Variants in RALGPS1 observed in about 807,000 individuals in gnomAD.
RALGPS1 encodes Ral GEF with PH domain and SH3 binding motif 1.
RALGPS1 carries 19 observed loss-of-function variants against 78.8 expected under a neutral mutation model. The observed-to-expected ratio is 0.24, with a 90% CI of 0.17 to 0.35. The LOEUF (loss-of-function observed/expected upper bound fraction) is 0.35, where lower values mean the gene tolerates loss of function less well. Ranked by LOEUF, RALGPS1 falls within the 10% of genes least tolerant of loss-of-function variation. The pLI is 1.00. For synonymous variants in RALGPS1, 228 were observed against 256.3 expected, an observed-to-expected ratio of 0.89 and a Z score of 1.06; for missense variants, 454 against 688.3, an observed-to-expected ratio of 0.66 and a Z score of 3.81.
At chr9:126,992,238 C>T (rs547935898) in intron 4 of RALGPS1, among the ~76,000 whole-genome samples, 2 of 152,228 alleles carry the variant, frequency 1.3e-5, no homozygotes, top group Admixed American at 6.5e-5. Context: ...GACATGAGGA[C>T]AGCATGAGAT....
rs1054745309 is a variant in RALGPS1 at position 127,218,663 on chromosome 9, C to T, written c.1645-77C>T. 6 of 1,484,854 alleles carry T rather than the reference C, an allele frequency of 4.0e-6. No homozygotes were observed. In the African/African-American group the frequency reaches 5.5e-5, roughly 14 times the overall value. The allele number at this position is 1,484,854 out of a possible 1,614,324, so 92.0% of individuals were successfully genotyped here. A position where few individuals can be genotyped will look rare whatever the true frequency, so the allele number is the denominator to read the frequency against. ...CCAGACTCACGGGGAAAGGCCTGTC[C>T]CTTCCCCTAGGGACCACCACCCCTT... On this transcript the variant is annotated intron_variant, in intron 18 of 18. Coordinates refer to ENST00000259351, the MANE Select transcript of RALGPS1 (RefSeq NM_014636.3). This position sits in a 1 kb window ranked among gnomAD's most constrained non-coding sequence, Gnocchi z 4.4.
chr9:126,953,365 A>G (rs7854111), intron 1 of RALGPS1, among the ~76,000 whole-genome samples: 57,297 of 150,270 alleles, frequency 0.38, 12,643 homozygotes, highest in Non-Finnish European at 0.49. Flanking sequence ...GTGCATGTAC[A>G]CGTGCATGCG....
At chr9:126,963,562 C>T (rs2039131239) in intron 2 of RALGPS1, among the ~76,000 whole-genome samples, 1 of 152,176 alleles carries the variant, frequency 6.6e-6, no homozygotes, top group African/African-American at 2.4e-5. Context: ...CTGAGTGATA[C>T]ATTTACACCA....
chr9:126,966,961 G>A (rs967118859), intron 3 of RALGPS1, among the ~76,000 whole-genome samples: 36 of 152,228 alleles, frequency 2.4e-4, no homozygotes, highest in Non-Finnish European at 4.0e-4. Flanking sequence ...CTGATTGAGA[G>A]TGTTGTCCAA....
At chr9:127,192,337 A>G (rs1247551652) in intron 11 of RALGPS1, among the ~76,000 whole-genome samples, 4 of 152,268 alleles carry the variant, frequency 2.6e-5, no homozygotes, top group Non-Finnish European at 2.9e-5. Context: ...ATTCCAGGCC[A>G]GGCGACTGGG....
Position 127,088,675 on chromosome 9 carries a change from T to C in RALGPS1, c.610+19319T>C, listed in dbSNP as rs1589398691. 12 of 514,502 alleles carry C rather than the reference T, an allele frequency of 2.3e-5. No individual in the cohort carries two copies. The East Asian group carries it at 3.7e-4, about 16-fold the overall frequency. 31.9% of individuals were successfully genotyped at this position (514,502 alleles called of 1,614,324 possible). On this transcript the variant is annotated intron_variant, in intron 8 of 18. Coordinates refer to ENST00000259351, the MANE Select transcript of RALGPS1 (RefSeq NM_014636.3). Reference sequence around the variant, plus strand: ...GTGTTTTTATTGTAGAGACTTAATTTATTTAAAGAAAGAGTTGTCTGTAGT... The same window carrying C: ...GTGTTTTTATTGTAGAGACTTAATTCATTTAAAGAAAGAGTTGTCTGTAGT...
rs1421787045 is a variant in RALGPS1 at position 127,221,164 on chromosome 9, A to AAAC, written c.*2395_*2396insAAC. ...GGGGCTCGGCCAAACATGGGAGTTA[A>AAAC]GTGCTGCTTGTCTTCCCAGTGTTGG... On this transcript the variant is annotated 3_prime_UTR_variant, in exon 19 of 19. Coordinates refer to ENST00000259351, the MANE Select transcript of RALGPS1 (RefSeq NM_014636.3). 1 of 152,226 alleles carries AAAC rather than the reference A, an allele frequency of 6.6e-6. No homozygotes were observed. Among genetic ancestry groups the AAAC allele is most frequent in the East Asian group, 1.9e-4 (1 of 5,196 alleles). The allele number at this position is 152,226 out of a possible 1,614,324, so 9.4% of individuals were successfully genotyped here.
intron 4 of RALGPS1, among the ~76,000 whole-genome samples, chr9:127,017,331 T>C (rs907528268): frequency 6.6e-6 from 1 of 152,208 alleles, no homozygotes; most frequent in East Asian, 1.9e-4. Flanking sequence ...AAGTGTAATA[T>C]AGTAGTAAGT....
intron 13 of RALGPS1, 57 bp from the exon 14 acceptor site, chr9:127,198,958 G>T (rs1459182847): frequency 6.6e-7 from 1 of 1,521,576 alleles, no homozygotes; most frequent in African/African-American, 1.4e-5. Flanking sequence ...TGACCCAGGA[G>T]AACAGGCCCC....
At chr9:127,187,804 C>T (rs1044257009) in intron 11 of RALGPS1, among the ~76,000 whole-genome samples, 5 of 152,162 alleles carry the variant, frequency 3.3e-5, no homozygotes, top group Non-Finnish European at 5.9e-5. Flanking sequence ...TTTCATTCTT[C>T]GTTTTCCTTT....
chr9:127,065,745 G>A (rs1032020013), intron 7 of RALGPS1, among the ~76,000 whole-genome samples: 1 of 152,062 alleles, frequency 6.6e-6, no homozygotes, highest in African/African-American at 2.4e-5. Context: ...TGTTCTTAAG[G>A]CCTGCTATTC....
At chr9:127,188,237 G>A (rs2789522) in intron 11 of RALGPS1, among the ~76,000 whole-genome samples, 81,341 of 150,452 alleles carry the variant, frequency 0.54, 22,924 homozygotes, top group African/African-American at 0.71. Flanking sequence ...AATTTTTTGT[G>A]TTTTTTAGTA....
chr9:127,206,058 C>T (rs2061914440), intron 14 of RALGPS1, among the ~76,000 whole-genome samples: 1 of 152,236 alleles, frequency 6.6e-6, no homozygotes, highest in Non-Finnish European at 1.5e-5. Flanking sequence ...CAGCAGAATT[C>T]AGGGTAGCAG....
chr9:127,118,279 A>G (rs2055655837), intron 8 of RALGPS1, among the ~76,000 whole-genome samples: 1 of 152,248 alleles, frequency 6.6e-6, no homozygotes, highest in Non-Finnish European at 1.5e-5. Flanking sequence ...GAACTCAGTC[A>G]TATGGCTCAC....
chr9:127,054,761 T>C (rs562202065), intron 7 of RALGPS1, among the ~76,000 whole-genome samples: 2 of 152,252 alleles, frequency 1.3e-5, no homozygotes, highest in South Asian at 4.1e-4. Context: ...GGAGGATCGC[T>C]TAAGGCCAGG....
chr9:127,127,344 A>G (rs2056690001), intron 8 of RALGPS1, among the ~76,000 whole-genome samples: 1 of 152,144 alleles, frequency 6.6e-6, no homozygotes, highest in South Asian at 2.1e-4. Context: ...TGTAATTGTT[A>G]TTGACCAGAG....
chr9:127,033,222 G>C (rs546254051), intron 4 of RALGPS1, among the ~76,000 whole-genome samples: 2 of 152,248 alleles, frequency 1.3e-5, no homozygotes, highest in Admixed American at 6.5e-5. Context: ...GAGGTGTCTC[G>C]GCCTCTGGCT....
At chr9:127,053,906 A>G (rs545537516) in intron 7 of RALGPS1, among the ~76,000 whole-genome samples, 24 of 152,366 alleles carry the variant, frequency 1.6e-4, no homozygotes, top group African/African-American at 5.3e-4. Context: ...TTCAGGTGCC[A>G]TTCAGAGCAT....
intron 8 of RALGPS1, among the ~76,000 whole-genome samples, chr9:127,089,410 CGCCTGCCGCACAGG>C (rs1215800401): frequency 2.0e-5 from 3 of 152,166 alleles, no homozygotes; most frequent in Non-Finnish European, 4.4e-5. Flanking sequence ...ATAAAAATGA[CGCCTGCCGCACAGG>C]GCGGCTCTGA....
Sources: gnomAD v4.1 joint callset for allele counts (sites outside exome capture counted in the v4.1 genomes callset) on GRCh38, gnomAD v4.1.1 for gene constraint, Gnocchi (gnomAD v3.1) non-coding constraint, MANE v1.5 for transcripts, NCBI Gene and HGNC (gene_info 2026-07-23, HGNC 2026-07-21) for gene names.